Variants in JRKL observed in about 807,000 individuals in gnomAD.
The protein encoded by JRKL is JRK like, also known as jerky protein homolog-like.
JRKL carries 25 observed loss-of-function variants against 34.7 expected under a neutral mutation model. The ratio of observed to expected loss-of-function variants is 0.72; its 90% CI spans 0.53 to 1.01. JRKL has a LOEUF of 1.01. JRKL is among the 50% of genes least tolerant of loss of function. The pLI is 0.00. For synonymous variants in JRKL, 204 were observed against 212.8 expected (o/e 0.96, Z 0.36); for missense variants, 495 against 615.7 (o/e 0.80, Z 2.07).
At chr11:96,390,334 G>A in intron 1 of JRKL, 149 bp from the exon 2 acceptor site, 1 of 239,266 alleles carries the variant, frequency 4.2e-6, no homozygotes, top group African/African-American at 2.3e-5. Flanking sequence ...CACAATGGGG[G>A]TATAGTCTTT....
chr11:96,390,479 G>T lies in JRKL; in HGVS notation c.-167-4G>T. 1.5e-6 allele frequency: 1 copy of T among 654,736 alleles called. No individual in the cohort carries two copies. The highest frequency in any genetic ancestry group is 2.4e-6 in the Non-Finnish European group (1 of 409,722). The allele number at this position is 654,736 out of a possible 1,614,324, so 40.6% of individuals were successfully genotyped here. A position where few individuals can be genotyped will look rare whatever the true frequency, so the allele number is the denominator to read the frequency against. ...ACTTCCTCCTCTTTCACCTTCTTCT[G>T]CAGTCTATTTGCCAGCCAACCCCAG... On this transcript the variant is annotated splice_region_variant and splice_polypyrimidine_tract_variant and intron_variant, in intron 1 of 1. Transcript: ENST00000332349.
Position 96,392,834 on chromosome 11 carries a change from C to T in JRKL, c.*610C>T, listed in dbSNP as rs1353229868. 1 of 166,796 alleles carries T rather than the reference C, an allele frequency of 6.0e-6. No homozygotes were observed. The highest frequency in any genetic ancestry group is 1.5e-5 in the Non-Finnish European group (1 of 68,018). 10.3% of individuals were successfully genotyped at this position (166,796 alleles called of 1,614,324 possible). A position where few individuals can be genotyped will look rare whatever the true frequency, so the allele number is the denominator to read the frequency against. On this transcript the variant is annotated 3_prime_UTR_variant, in exon 2 of 2. Transcript: ENST00000332349. Reference sequence around the variant, plus strand: ...TGAAGTAAATATGGGAAGTTATTGCCAAATGAGAGAGAAACTATGGGAAAG... The same window carrying T: ...TGAAGTAAATATGGGAAGTTATTGCTAAATGAGAGAGAAACTATGGGAAAG...
At position 96,392,455 on chromosome 11, in the gene JRKL, A is replaced by T. The variant is rs1039432957; in HGVS notation, c.*231A>T. Reference sequence around the variant, plus strand: ...GAATAGATATAAATTACATGTACACATGTATTCACTTTTTAGAATCTGCAA... The same window carrying T: ...GAATAGATATAAATTACATGTACACTTGTATTCACTTTTTAGAATCTGCAA... On this transcript the variant is annotated 3_prime_UTR_variant, in exon 2 of 2. Coordinates refer to ENST00000332349, the MANE Select transcript of JRKL (RefSeq NM_001261833.2). 21 of 451,778 alleles carry T rather than the reference A, an allele frequency of 4.6e-5. No homozygotes were observed. In the Admixed American group the frequency reaches 8.8e-4, roughly 19 times the overall value. The allele number at this position is 451,778 out of a possible 1,614,324, so 28.0% of individuals were successfully genotyped here.
Position 96,392,004 on chromosome 11 carries a change from G to A in JRKL, c.1355G>A (p.Arg452Lys). ...EVLTDSEIIR[R>K]AQGQADESSE... ...TTAACTGATAGCGAAATCATCAGAA[G>A]AGCACAAGGCCAGGCAGATGAATCC... The change falls in exon 2 of 2, where the codon AGA becomes AAA. Residue 452 changes from arginine to lysine, a missense_variant. Coordinates refer to ENST00000332349, the MANE Select transcript of JRKL (RefSeq NM_001261833.2). 1 of 1,614,024 alleles carries A rather than the reference G, an allele frequency of 6.2e-7. No homozygotes were observed. The highest frequency in any genetic ancestry group is 8.5e-7 in the Non-Finnish European group (1 of 1,180,010).
In JRKL at chr11:96,391,486, A is replaced by T; in HGVS notation, c.837A>T (p.Arg279Ser). The T allele has an allele frequency of 6.4e-7, 1 of 1,552,070 alleles. No individual in the cohort carries two copies. Among genetic ancestry groups the T allele is most frequent in the Non-Finnish European group, 8.7e-7 (1 of 1,147,092 alleles). Residue 279 changes from arginine (R) to serine (S), a missense_variant, in exon 2 of 2, where the codon AGA becomes AGT. Arg to Ser is a moderately radical substitution (Grantham distance 110). Coordinates refer to ENST00000332349, the MANE Select transcript of JRKL (RefSeq NM_001261833.2). ...TGCCGCAAGTTCGAGAGTATTTAAGATCTAAAGGCTTGCAGGAAAAGGCTG... is the reference window on the plus strand; with the variant it reads ...TGCCGCAAGTTCGAGAGTATTTAAGTTCTAAAGGCTTGCAGGAAAAGGCTG... ...IFVPQVREYL[R>S]SKGLQEKAVL...
In JRKL at chr11:96,391,427, T is replaced by A; in HGVS notation, c.778T>A (p.Ser260Thr). ...CCAAAAAGGTGCATGGATGGATCTT[T>A]CCATTTTCCGACAATGGTTTGATAA... ...FSQKGAWMDL[S>T]IFRQWFDKIF... is the part of the protein sequence containing the mutation. The change falls in exon 2 of 2, where the codon TCC becomes ACC. Residue 260 changes from serine (S) to threonine (T), a missense_variant. Transcript: ENST00000332349. 1 of 1,551,738 alleles carries A rather than the reference T, an allele frequency of 6.4e-7. No homozygotes were observed. Among genetic ancestry groups the A allele is most frequent in the South Asian group, 1.2e-5 (1 of 84,068 alleles).
In JRKL at chr11:96,391,507, G is replaced by A; in HGVS notation, c.858G>A (p.Lys286=). Residue 286 remains lysine (K), a synonymous_variant, in exon 2 of 2, where the codon AAG becomes AAA. Coordinates refer to ENST00000332349, the MANE Select transcript of JRKL (RefSeq NM_001261833.2). ...EYLRSKGLQE[K]AVLLLDNSPT... is the part of the protein sequence containing the mutation. ...TAAGATCTAAAGGCTTGCAGGAAAA[G>A]GCTGTGCTCTTGTTGGATAATTCAC... 1.3e-6 allele frequency: 2 copies of A among 1,552,798 alleles called. No individual in the cohort carries two copies. The highest frequency in any genetic ancestry group is 1.7e-6 in the Non-Finnish European group (2 of 1,147,396).
intron 1 of JRKL, among the ~76,000 whole-genome samples, 177 bp from the exon 2 acceptor site, chr11:96,390,306 G>A (rs1047191728): frequency 6.6e-6 from 1 of 152,176 alleles, no homozygotes; most frequent in Non-Finnish European, 1.5e-5. Context: ...GGATCTGGAC[G>A]TGCAGGAGGT....
Position 96,391,691 on chromosome 11 carries a change from G to A in JRKL, c.1042G>A (p.Glu348Lys), listed in dbSNP as rs1344385021. Residue 348 changes from glutamate (E) to lysine (K), a missense_variant, in exon 2 of 2, where the codon GAA (glutamate) becomes AAA (lysine). Glu to Lys is a moderately conservative substitution (Grantham distance 56). Coordinates refer to ENST00000332349, the MANE Select transcript of JRKL (RefSeq NM_001261833.2). Reference protein sequence around the residue: ...YRAGLLQNNLEEGNDLKSFWK... With the variant: ...YRAGLLQNNLKEGNDLKSFWK... ...TGCAGGTCTTCTCCAGAACAACTTG[G>A]AAGAAGGTAATGACCTGAAATCATT... is the stretch of plus-strand genomic sequence containing the variant. 3 of 1,614,158 alleles carry A rather than the reference G, an allele frequency of 1.9e-6. No homozygotes were observed. Among genetic ancestry groups the A allele is most frequent in the Non-Finnish European group, 2.5e-6 (3 of 1,180,024 alleles).
Position 96,392,214 on chromosome 11 carries a change from C to A in JRKL, c.1565C>A (p.Ser522Ter). 1.3e-6 allele frequency: 2 copies of A among 1,574,854 alleles called. No individual in the cohort carries two copies. Among genetic ancestry groups the A allele is most frequent in the South Asian group, 2.4e-5 (2 of 84,108 alleles). ...AGAAATAAACAGAAGATGACAAAGTCAAGTCAATAATGTCATTTCAATTTT... is the reference window on the plus strand; with the variant it reads ...AGAAATAAACAGAAGATGACAAAGTAAAGTCAATAATGTCATTTCAATTTT... ...TIRNKQKMTK[S>*]SQ Residue 522 changes from serine to a stop codon, truncating the protein, a stop_gained, in exon 2 of 2, where the codon TCA becomes TAA. Coordinates refer to ENST00000332349, the MANE Select transcript of JRKL (RefSeq NM_001261833.2). LOFTEE classifies it high-confidence loss of function.
Position 96,391,543 on chromosome 11 carries a change from A to G in JRKL, c.894A>G (p.Pro298=). Residue 298 remains proline (P), a synonymous_variant, in exon 2 of 2, where the codon CCA becomes CCG. Coordinates refer to ENST00000332349, the MANE Select transcript of JRKL (RefSeq NM_001261833.2). ...VLLLDNSPTH[P]NENVLRSDDG... ...TGTTGGATAATTCACCAACACATCCAAATGAAAATGTCCTAAGGTCAGATG... is the reference window on the plus strand; with the variant it reads ...TGTTGGATAATTCACCAACACATCCGAATGAAAATGTCCTAAGGTCAGATG... 2.6e-6 allele frequency: 4 copies of G among 1,559,184 alleles called. No individual in the cohort carries two copies. The highest frequency in any genetic ancestry group is 3.5e-6 in the Non-Finnish European group (4 of 1,150,810).
Position 96,392,040 on chromosome 11 carries a change from A to T in JRKL, c.1391A>T (p.Glu464Val). 6.2e-7 allele frequency: 1 copy of T among 1,613,984 alleles called. No homozygotes were observed. Among genetic ancestry groups the T allele is most frequent in the South Asian group, 1.1e-5 (1 of 91,064 alleles). Residue 464 changes from glutamate (E) to valine (V), a missense_variant, in exon 2 of 2, where the codon GAG becomes GTG. Coordinates refer to ENST00000332349, the MANE Select transcript of JRKL (RefSeq NM_001261833.2). ...QGQADESSEN[E>V]EEEIELIPEK... ...CAGGCAGATGAATCCAGTGAAAATG[A>T]GGAGGAGGAAATAGAACTAATTCCA...
Position 96,390,561 on chromosome 11 carries a change from T to A in JRKL, c.-89T>A. ...GGTAAGGATGAAAGACTGAGTGTGT[T>A]AAGACTGTTGAAGTGAGCCTGTGTA... On this transcript the variant is annotated 5_prime_UTR_variant, in exon 2 of 2. Coordinates refer to ENST00000332349, the MANE Select transcript of JRKL (RefSeq NM_001261833.2). 2.0e-6 allele frequency: 3 copies of A among 1,477,544 alleles called. No homozygotes were observed. Among genetic ancestry groups the A allele is most frequent in the Non-Finnish European group, 2.7e-6 (3 of 1,112,590 alleles). The allele number at this position is 1,477,544 out of a possible 1,614,324, so 91.5% of individuals were successfully genotyped here.
In JRKL at chr11:96,390,639, A is replaced by G; in HGVS notation, c.-11A>G. The G allele has an allele frequency of 1.3e-6, 2 of 1,560,502 alleles. No homozygotes were observed. The highest frequency in any genetic ancestry group is 2.2e-5 in the East Asian group (1 of 44,762). On this transcript the variant is annotated 5_prime_UTR_variant, in exon 2 of 2. Coordinates refer to ENST00000332349, the MANE Select transcript of JRKL (RefSeq NM_001261833.2). Reference sequence around the variant, plus strand: ...ACATTGTGAGTGTGGGGTGAGTCCCAGAACCTCGCTATGTCAGGGAAACGG... The same window carrying G: ...ACATTGTGAGTGTGGGGTGAGTCCCGGAACCTCGCTATGTCAGGGAAACGG...
Position 96,392,052 on chromosome 11 carries a change from TAG to T in JRKL, c.1405_1406del (p.Glu469ThrfsTer8). On this transcript the variant is annotated frameshift_variant, in exon 2 of 2. Transcript: ENST00000332349. LOFTEE classifies it high-confidence loss of function. ...TCCAGTGAAAATGAGGAGGAGGAAA[TAG>T]AACTAATTCCAGAGAAACATATTAA... 2 of 1,613,470 alleles carry T rather than the reference TAG, an allele frequency of 1.2e-6. No homozygotes were observed. Among genetic ancestry groups the T allele is most frequent in the Non-Finnish European group, 1.7e-6 (2 of 1,179,642 alleles).
rs1231335289 is a variant in JRKL, at chr11:96,391,342, A to G, written c.693A>G (p.Ala231=). ...TTAAACTTTGTGTTGTGGGGAAAGC[A>G]AAGAAACCTCGCTCCTTTAAATCAA... ...HKLKLCVVGK[A]KKPRSFKSTD... Residue 231 remains alanine, a synonymous_variant, in exon 2 of 2, where the codon GCA becomes GCG. Transcript: ENST00000332349. 1 of 1,551,484 alleles carries G rather than the reference A, an allele frequency of 6.4e-7. No individual in the cohort carries two copies. Among genetic ancestry groups the G allele is most frequent in the East Asian group, 2.4e-5 (1 of 40,936 alleles).
Position 96,391,096 on chromosome 11 carries a change from G to T in JRKL, c.447G>T (p.Glu149Asp). The T allele has an allele frequency of 6.2e-7, 1 of 1,614,118 alleles. No individual in the cohort carries two copies. The highest frequency in any genetic ancestry group is 1.1e-5 in the South Asian group (1 of 91,060). Residue 149 changes from glutamate (E) to aspartate (D), a missense_variant, in exon 2 of 2, where the codon GAG (glutamate) becomes GAT (aspartate). Coordinates refer to ENST00000332349, the MANE Select transcript of JRKL (RefSeq NM_001261833.2). ...GAAATGAAAGATTAAATGGAGATGA[G>T]ACTGCGGTGGAAGATTTTTGTAATA... ...NIRNERLNGD[E>D]TAVEDFCNNF...
In JRKL at chr11:96,390,877, TGAGGAATTG is replaced by T; in HGVS notation, c.231_239del (p.Glu77_Leu79del). 3.1e-6 allele frequency: 5 copies of T among 1,614,138 alleles called. No homozygotes were observed. Among genetic ancestry groups the T allele is most frequent in the Non-Finnish European group, 4.2e-6 (5 of 1,180,006 alleles). ...GGAAATCTATGAAGCCATCCATGTA[TGAGGAATTG>T]GACAGGGCAATGCTGGAATGGTTCA... On this transcript the variant is annotated inframe_deletion, in exon 2 of 2. Coordinates refer to ENST00000332349, the MANE Select transcript of JRKL (RefSeq NM_001261833.2).
rs1866497504 is a variant in JRKL, at chr11:96,390,510, GAGGGGATC to G, written c.-135_-128del. 9.4e-7 allele frequency: 1 copy of G among 1,064,612 alleles called. No individual in the cohort carries two copies. 65.9% of individuals were successfully genotyped at this position (1,064,612 alleles called of 1,614,324 possible). A position where few individuals can be genotyped will look rare whatever the true frequency, so the allele number is the denominator to read the frequency against. ...TATTTGCCAGCCAACCCCAGCCCGG[GAGGGGATC>G]AGGGCCACCAGGTTGCTGGTAAGGA... is the stretch of plus-strand genomic sequence containing the variant. On this transcript the variant is annotated 5_prime_UTR_variant, in exon 2 of 2. Coordinates refer to ENST00000332349, the MANE Select transcript of JRKL (RefSeq NM_001261833.2).
Sources: gnomAD v4.1 joint callset for allele counts (sites outside exome capture counted in the v4.1 genomes callset) on GRCh38, gnomAD v4.1.1 for gene constraint, MANE v1.5 for transcripts, NCBI Gene and HGNC (gene_info 2026-07-23, HGNC 2026-07-21) for gene names.